Variants in ZSCAN25 observed in about 807,000 individuals in gnomAD.
ZSCAN25 encodes the protein zinc finger and SCAN domain-containing protein 25.
In ZSCAN25, 27 loss-of-function variants were observed where a neutral mutation model predicts 38.7. The ratio of observed to expected loss-of-function variants is 0.70; its 90% CI spans 0.51 to 0.96. The LOEUF (loss-of-function observed/expected upper bound fraction) is 0.96, where lower values mean the gene tolerates loss of function less well. ZSCAN25 is among the 40% of genes least tolerant of loss of function. The pLI is 0.00. For synonymous variants in ZSCAN25, 273 were observed against 277.7 expected (o/e 0.98, Z 0.17); for missense variants, 637 against 705.9 (o/e 0.90, Z 1.11).
rs73713530 is a variant in ZSCAN25, at chr7:99,622,474, G to C, written c.590-75G>C. 7,901 of 1,357,780 alleles carry C rather than the reference G, an allele frequency of 5.8e-3. 412 individuals are homozygous for C. The African/African-American group carries it at 0.1, about 17-fold the overall frequency. 84.1% of individuals were successfully genotyped at this position (1,357,780 alleles called of 1,614,324 possible). On this transcript the variant is annotated intron_variant, in intron 5 of 7. Coordinates refer to ENST00000394152, the MANE Select transcript of ZSCAN25 (RefSeq NM_145115.3). ...CTGAGGTTGTGAGCATCTGGTAGGG[G>C]ACACATTTGAACGAGCTAACAGCAT... is the stretch of plus-strand genomic sequence containing the variant.
the ZSCAN25 span, chr7:99,705,569 TC>T: frequency 6.2e-7 from 1 of 1,613,598 alleles, no homozygotes. Flanking sequence ...TTAGAAGAAG[TC>T]CTCCAAAGCG....
the ZSCAN25 span, among the ~76,000 whole-genome samples, chr7:99,731,861 C>T: frequency 6.6e-6 from 1 of 152,156 alleles, no homozygotes; most frequent in Non-Finnish European, 1.5e-5. Flanking sequence ...GTCAGAGGAT[C>T]TGATTGATTT....
At chr7:99,686,901 A>G in the ZSCAN25 span, among the ~76,000 whole-genome samples, 1 of 152,234 alleles carries the variant, frequency 6.6e-6, no homozygotes, top group African/African-American at 2.4e-5. Context: ...ACCACTGCTG[A>G]TACCCAGGCA....
At chr7:99,730,963 T>G in the ZSCAN25 span, 1 of 1,498,330 alleles carries the variant, frequency 6.7e-7, no homozygotes, top group Non-Finnish European at 9.2e-7. Flanking sequence ...GTATAAAATC[T>G]CAGACCTTCC....
the ZSCAN25 span, among the ~76,000 whole-genome samples, chr7:99,692,217 T>C: frequency 1.8e-4 from 27 of 152,356 alleles, no homozygotes; most frequent in Non-Finnish European, 2.8e-4. Flanking sequence ...ATGTTGAATA[T>C]TGACCCCCAA....
chr7:99,731,817 G>T, the ZSCAN25 span, among the ~76,000 whole-genome samples: 3 of 152,132 alleles, frequency 2.0e-5, no homozygotes, highest in Non-Finnish European at 4.4e-5. Flanking sequence ...TCGTAGAAGT[G>T]CGAGCACCTT....
At chr7:99,666,579 C>T in the ZSCAN25 span, 1 of 1,611,206 alleles carries the variant, frequency 6.2e-7, no homozygotes, top group Non-Finnish European at 8.5e-7. Context: ...GCTCAGAACC[C>T]CATGGCTGTG....
the ZSCAN25 span, chr7:99,680,023 T>G: frequency 1.2e-6 from 1 of 811,602 alleles, no homozygotes; most frequent in Non-Finnish European, 2.1e-6. Flanking sequence ...GCTGAAAGAT[T>G]TATGTGCTGG....
chr7:99,664,095 A>G, the ZSCAN25 span: 2 of 1,571,336 alleles, frequency 1.3e-6, no homozygotes, highest in Admixed American at 2.2e-5. Flanking sequence ...TGGAAAGAGT[A>G]CTGTGGGAAA....
the ZSCAN25 span, among the ~76,000 whole-genome samples, chr7:99,689,908 A>C: frequency 6.6e-5 from 10 of 152,312 alleles, no homozygotes; most frequent in African/African-American, 1.4e-4. Context: ...CCATCCCCAT[A>C]AAGCTACCAA....
the ZSCAN25 span, among the ~76,000 whole-genome samples, chr7:99,690,959 T>A: frequency 6.6e-6 from 1 of 152,156 alleles, no homozygotes; most frequent in Non-Finnish European, 1.5e-5. Flanking sequence ...ACCCAAAGGA[T>A]TATAAATCAT....
At chr7:99,657,984 C>T in the ZSCAN25 span, among the ~76,000 whole-genome samples, 7 of 152,122 alleles carry the variant, frequency 4.6e-5, no homozygotes, top group Non-Finnish European at 4.4e-5. Context: ...TTACTTTGCA[C>T]GTGAGATGGG....
the ZSCAN25 span, among the ~76,000 whole-genome samples, chr7:99,723,259 T>G: frequency 6.6e-6 from 1 of 152,146 alleles, no homozygotes; most frequent in Non-Finnish European, 1.5e-5. Flanking sequence ...TTGACCAACC[T>G]TACAACGTTC....
chr7:99,671,021 C>G, the ZSCAN25 span: 1 of 152,078 alleles, frequency 6.6e-6, no homozygotes, highest in Non-Finnish European at 1.5e-5. Context: ...TTGAAAGACC[C>G]TCTGAATGGG....
chr7:99,618,469 A>G (rs999300805), intron 1 of ZSCAN25, 56 bp from the exon 2 acceptor site: 2 of 152,158 alleles, frequency 1.3e-5, no homozygotes, highest in African/African-American at 4.8e-5. Context: ...TACAAGTTAG[A>G]AATCTTTAGG....
At chr7:99,723,589 A>G in the ZSCAN25 span, among the ~76,000 whole-genome samples, 3 of 152,090 alleles carry the variant, frequency 2.0e-5, no homozygotes, top group African/African-American at 7.2e-5. Flanking sequence ...GGTGCCAAAG[A>G]CCTGGGACAG....
the ZSCAN25 span, among the ~76,000 whole-genome samples, chr7:99,721,637 G>A: frequency 2.0e-5 from 3 of 152,180 alleles, no homozygotes; most frequent in East Asian, 1.9e-4. Context: ...AGTTTAGACC[G>A]AAGACCTCAA....
At position 99,632,205 on chromosome 7, in the gene ZSCAN25, CAG is replaced by C. The variant is rs1417329061; in HGVS notation, c.*2187_*2188del. 1.0e-6 allele frequency: 1 copy of C among 985,294 alleles called. No individual in the cohort carries two copies. Among genetic ancestry groups the C allele is most frequent in the Non-Finnish European group, 1.2e-6 (1 of 829,934 alleles). The allele number at this position is 985,294 out of a possible 1,614,324, so 61.0% of individuals were successfully genotyped here. A position where few individuals can be genotyped will look rare whatever the true frequency, so the allele number is the denominator to read the frequency against. ...GGGCCAAGAGCTTAGGACAGTGTCT[CAG>C]AAAAGCCTCTAAGTAGGGGGTTTTT... On this transcript the variant is annotated 3_prime_UTR_variant, in exon 8 of 8. Coordinates refer to ENST00000394152, the MANE Select transcript of ZSCAN25 (RefSeq NM_145115.3).
chr7:99,654,103 T>A, the ZSCAN25 span, among the ~76,000 whole-genome samples: 3 of 152,182 alleles, frequency 2.0e-5, no homozygotes, highest in Non-Finnish European at 2.9e-5. Flanking sequence ...TTTTATACTT[T>A]AAGTTTTAGG....
Sources: gnomAD v4.1 joint callset for allele counts (sites outside exome capture counted in the v4.1 genomes callset) on GRCh38, gnomAD v4.1.1 for gene constraint, MANE v1.5 for transcripts, NCBI Gene and HGNC (gene_info 2026-07-23, HGNC 2026-07-21) for gene names.